Variants in ULK4 observed in about 807,000 individuals in gnomAD.
The protein encoded by ULK4 is inactive serine/threonine-protein kinase ULK4.
Under a neutral mutation model 160.6 loss-of-function variants are expected in ULK4, and 133 were observed. The observed-to-expected ratio is 0.83, with a 90% confidence interval of 0.72 to 0.96. The LOEUF (loss-of-function observed/expected upper bound fraction) is 0.96. Ranked by LOEUF, ULK4 falls within the 40% of genes least tolerant of loss-of-function variation. ULK4 has a pLI of 0.00. For synonymous variants in ULK4, 534 were observed against 539.8 expected (o/e 0.99, Z 0.15); for missense variants, 1,580 against 1,499.5 (o/e 1.05, Z -0.89).
chr3:41,623,593 A>T lies in ULK4; in HGVS notation c.3072-7876T>A, dbSNP rs367997766. Among the ~76,000 whole-genome samples the T allele has an allele frequency of 1.5e-4, 23 of 152,208 alleles. No homozygotes were observed. The East Asian group carries it at 2.3e-3, about 15-fold the overall frequency. On this transcript the variant is annotated intron_variant, in intron 30 of 36. Coordinates refer to ENST00000301831, the MANE Select transcript of ULK4 (RefSeq NM_017886.4). ...AAGGATGAATTATCCTAAGTGAAAT[A>T]AGTCAAGCACAGAAAAACAAATACT...
Position 41,681,535 on chromosome 3 carries a change from G to A in ULK4, c.2951C>T (p.Ala984Val). Residue 984 changes from alanine (A) to valine (V), a missense_variant, in exon 29 of 37, where the codon GCT (alanine) becomes GTT (valine). Transcript: ENST00000301831. ...GGGAAGTAAGACATCTCGAATGAGA[G>A]CCAGAAGATTGCTGTCAGAATCAAC... Reference protein sequence around the residue: ...ASVDSDSNLLALIRDVLLPQY... With the variant: ...ASVDSDSNLLVLIRDVLLPQY... 1 of 1,613,980 alleles carries A rather than the reference G, an allele frequency of 6.2e-7. No homozygotes were observed. The highest frequency in any genetic ancestry group is 8.5e-7 in the Non-Finnish European group (1 of 1,179,958).
chr3:41,321,221 T>C (rs1031434769), intron 35 of ULK4, among the ~76,000 whole-genome samples: 6 of 152,144 alleles, frequency 3.9e-5, no homozygotes, highest in Admixed American at 3.9e-4. Flanking sequence ...AAAAACCCTT[T>C]TCTAGTCCTC....
In ULK4 at chr3:41,932,001, G is replaced by A; in HGVS notation, c.384C>T (p.Leu128=). The change falls in exon 5 of 37, where the codon CTC becomes CTT. Residue 128 remains leucine (L), a synonymous_variant. Transcript: ENST00000301831. ...LFCDISPRKI[L]LEGPGTLKFS... is the part of the protein sequence containing the mutation. ...ACTTCAGTGTGCCAGGCCCTTCCAA[G>A]AGTATCTATGAAGATCAAATAAATG... is the stretch of plus-strand genomic sequence containing the variant. The A allele has an allele frequency of 6.2e-7, 1 of 1,611,870 alleles. No homozygotes were observed.
chr3:41,754,685 T>C lies in ULK4; in HGVS notation c.2194-197A>G, dbSNP rs570017985. Among the ~76,000 whole-genome samples, 257 of 152,290 alleles carry C rather than the reference T, an allele frequency of 1.7e-3. 1 individual carries two copies. Among genetic ancestry groups the C allele is most frequent in the African/African-American group, 6.0e-3 (251 of 41,558 alleles). Reference sequence around the variant, plus strand: ...CTCATTTAAATCTGAAAGTTAGTCATAAAAAGTTGACAATGTTGTCCCCGC... The same window carrying C: ...CTCATTTAAATCTGAAAGTTAGTCACAAAAAGTTGACAATGTTGTCCCCGC... On this transcript the variant is annotated intron_variant, in intron 21 of 36. Coordinates refer to ENST00000301831, the MANE Select transcript of ULK4 (RefSeq NM_017886.4).
chr3:41,551,401 G>A (rs888774935), intron 32 of ULK4, among the ~76,000 whole-genome samples: 3 of 116,848 alleles, frequency 2.6e-5, no homozygotes, highest in Non-Finnish European at 5.8e-5. Flanking sequence ...AAGAAAAAAA[G>A]GAAGAAGATC....
At chr3:41,287,087 A>C (rs1469065107) in intron 35 of ULK4, among the ~76,000 whole-genome samples, 3 of 152,246 alleles carry the variant, frequency 2.0e-5, no homozygotes, top group Admixed American at 6.5e-5. Flanking sequence ...CAATCCTGGC[A>C]CATCAAAGAG....
chr3:41,499,728 T>C (rs1411055410), intron 32 of ULK4, among the ~76,000 whole-genome samples: 3 of 152,132 alleles, frequency 2.0e-5, no homozygotes. Context: ...AGCAAAAAAA[T>C]AACATGTGTA....
intron 32 of ULK4, among the ~76,000 whole-genome samples, chr3:41,502,015 A>T (rs1174184486): frequency 1.3e-5 from 2 of 152,208 alleles, no homozygotes; most frequent in Non-Finnish European, 2.9e-5. Context: ...TATTGCTACA[A>T]ATCATAGGCT....
At chr3:41,265,414 C>T (rs2079013723) in intron 35 of ULK4, among the ~76,000 whole-genome samples, 1 of 152,224 alleles carries the variant, frequency 6.6e-6, no homozygotes. Flanking sequence ...TTGCTCTGTC[C>T]TCCAGACTTC....
intron 31 of ULK4, among the ~76,000 whole-genome samples, chr3:41,568,616 T>C (rs2087865672): frequency 6.6e-6 from 1 of 152,176 alleles, no homozygotes; most frequent in African/African-American, 2.4e-5. Context: ...CTCCATACAT[T>C]TCTACCAGTT....
At chr3:41,935,209 A>ATTTATTTATTTTTTTTTTTT (rs1559660879) in intron 4 of ULK4, among the ~76,000 whole-genome samples, 1 of 135,556 alleles carries the variant, frequency 7.4e-6, no homozygotes, top group Non-Finnish European at 1.5e-5. Context: ...TTATTTATTT[A>ATTTATTTATTTTTTTTTTTT]TTTTTTTTTT....
chr3:41,688,632 T>C (rs1157877916), intron 27 of ULK4, among the ~76,000 whole-genome samples: 20 of 152,238 alleles, frequency 1.3e-4, no homozygotes, highest in Admixed American at 1.3e-3. Flanking sequence ...GATTTGTTTT[T>C]GTATCCTAGT....
Position 41,558,962 on chromosome 3 carries a change from G to A in ULK4, c.3226+7063C>T, listed in dbSNP as rs887768117. Among the ~76,000 whole-genome samples the A allele has an allele frequency of 5.9e-5, 8 of 135,396 alleles. 1 individual carries two copies. Among genetic ancestry groups the A allele is most frequent in the Non-Finnish European group, 1.3e-4 (8 of 60,022 alleles). 88.8% of individuals were successfully genotyped at this position (135,396 alleles called of 152,430 possible). On this transcript the variant is annotated intron_variant, in intron 32 of 36. Transcript: ENST00000301831. ...ACATATGTATACATGTGCCATGCTG[G>A]TGTGCTGCACCCATTAACTCATCAT...
At chr3:41,872,693 G>A (rs749512439) in intron 17 of ULK4, among the ~76,000 whole-genome samples, 3 of 151,594 alleles carry the variant, frequency 2.0e-5, no homozygotes, top group Non-Finnish European at 2.9e-5. Context: ...ACAGCTCCTC[G>A]ACAATTATCA....
chr3:41,280,724 C>T (rs200956680), intron 35 of ULK4, among the ~76,000 whole-genome samples: 1 of 152,136 alleles, frequency 6.6e-6, no homozygotes, highest in African/African-American at 2.4e-5. Context: ...CTAAAATTGA[C>T]ATCCTAACAT....
intron 25 of ULK4, among the ~76,000 whole-genome samples, chr3:41,708,701 A>G (rs1055300311): frequency 3.7e-4 from 57 of 152,316 alleles, no homozygotes; most frequent in African/African-American, 1.3e-3. Context: ...AGTATAGTTA[A>G]TAAAGATGTA....
intron 22 of ULK4, among the ~76,000 whole-genome samples, chr3:41,750,953 C>T: frequency 7.3e-6 from 1 of 136,862 alleles, no homozygotes; most frequent in Non-Finnish European, 1.5e-5. Flanking sequence ...TTAAGTGAGA[C>T]TCCACCTCAA....
intron 34 of ULK4, among the ~76,000 whole-genome samples, chr3:41,427,923 C>A (rs1463034215): frequency 1.3e-5 from 2 of 152,024 alleles, no homozygotes; most frequent in African/African-American, 2.4e-5. Flanking sequence ...CTGGCCAGGG[C>A]AATCAAGCAA....
At chr3:41,418,345 G>C (rs545723973) in intron 34 of ULK4, among the ~76,000 whole-genome samples, 4 of 146,844 alleles carry the variant, frequency 2.7e-5, no homozygotes, top group Non-Finnish European at 4.5e-5. Flanking sequence ...AATTTGGCGG[G>C]GGGGGGGGCA....
Sources: gnomAD v4.1 joint callset for allele counts (sites outside exome capture counted in the v4.1 genomes callset) on GRCh38, gnomAD v4.1.1 for gene constraint, MANE v1.5 for transcripts, NCBI Gene and HGNC (gene_info 2026-07-23, HGNC 2026-07-21) for gene names.